Variants in R3HDM1 observed in about 807,000 individuals in gnomAD.
R3HDM1 encodes the protein R3H domain-containing protein 1.
In R3HDM1, 46 loss-of-function variants were observed where a neutral mutation model predicts 141.1. The observed-to-expected ratio is 0.33, with a 90% CI of 0.26 to 0.42. R3HDM1 has a LOEUF of 0.42. R3HDM1 is among the 10% of genes least tolerant of loss of function. R3HDM1 has a pLI of 1.00. For missense variants in R3HDM1, 1,184 were observed against 1,368.3 expected (o/e 0.87, Z 2.12); for synonymous variants, 435 against 472.9 (o/e 0.92, Z 1.04).
chr2:135,556,750 C>A lies in R3HDM1; in HGVS notation c.-250+25117C>A, dbSNP rs191409032. 4.9e-3 allele frequency among the ~76,000 whole-genome samples: 750 copies of A among 152,240 alleles called. 21 individuals carry two copies. Among genetic ancestry groups the A allele is most frequent in the Admixed American group, 0.042 (647 of 15,298 alleles). On this transcript the variant is annotated intron_variant, in intron 1 of 26. Coordinates refer to ENST00000683871, the MANE Select transcript of R3HDM1 (RefSeq NM_001378107.1). Reference sequence around the variant, plus strand: ...AGCCAGGATGGTCTCAATCTCCTGACCTCTTGATCTGCCCGCCTCGGCCTC... The same window carrying A: ...AGCCAGGATGGTCTCAATCTCCTGAACTCTTGATCTGCCCGCCTCGGCCTC...
chr2:135,587,088 C>G, intron 1 of R3HDM1: 2 of 698,544 alleles, frequency 2.9e-6, no homozygotes, highest in Non-Finnish European at 3.5e-6. Context: ...TTAACATAAT[C>G]AGATATCACA....
chr2:135,622,418 A>AC (rs1553572236), intron 6 of R3HDM1: 25 of 982,072 alleles, frequency 2.5e-5, no homozygotes, highest in Non-Finnish European at 3.0e-5. Flanking sequence ...TGAGAGGTTA[A>AC]TTTTTTTTTA....
At chr2:135,714,194 C>T (rs1051137402) in intron 23 of R3HDM1, among the ~76,000 whole-genome samples, 47 of 152,122 alleles carry the variant, frequency 3.1e-4, no homozygotes, top group Non-Finnish European at 6.8e-4. Flanking sequence ...ACAAAGCAGT[C>T]GAAGTAAATA....
chr2:135,584,489 C>T lies in R3HDM1; in HGVS notation c.-249-18011C>T, dbSNP rs868538017. Among the ~76,000 whole-genome samples, 4 of 152,310 alleles carry T rather than the reference C, an allele frequency of 2.6e-5. No homozygotes were observed. In the South Asian group the frequency reaches 8.3e-4, roughly 32 times the overall value. ...TTTTAACATTTGTAAGGTAGAGACA[C>T]AGCCAACTCATACAATTACCAGTGT... On this transcript the variant is annotated intron_variant, in intron 1 of 26. Coordinates refer to ENST00000683871, the MANE Select transcript of R3HDM1 (RefSeq NM_001378107.1).
In R3HDM1 at chr2:135,550,290, T is replaced by C. The variant is rs940431686; in HGVS notation, c.-250+18657T>C. On this transcript the variant is annotated intron_variant, in intron 1 of 26. Coordinates refer to ENST00000683871, the MANE Select transcript of R3HDM1 (RefSeq NM_001378107.1). ...TAGCATTTAAGTTTTATTTGTGATATATGGAAATTTCTTTATGCCTTTTCT... is the reference window on the plus strand; with the variant it reads ...TAGCATTTAAGTTTTATTTGTGATACATGGAAATTTCTTTATGCCTTTTCT... The C allele has an allele frequency of 1.3e-5, 12 of 928,166 alleles. No homozygotes were observed. In the African/African-American group the frequency reaches 2.1e-4, roughly 17 times the overall value. 57.5% of individuals were successfully genotyped at this position (928,166 alleles called of 1,614,324 possible).
chr2:135,721,220 G>A (rs958444752), intron 24 of R3HDM1, among the ~76,000 whole-genome samples: 3 of 152,196 alleles, frequency 2.0e-5, no homozygotes, highest in Non-Finnish European at 2.9e-5. Context: ...ATGGTGGCTT[G>A]TACCTGTAAT....
rs1213978261 is a variant in R3HDM1 at position 135,675,316 on chromosome 2, C to G, written c.2153-16C>G. 3.1e-6 allele frequency: 5 copies of G among 1,607,190 alleles called. No homozygotes were observed. The highest frequency in any genetic ancestry group is 4.3e-6 in the Non-Finnish European group (5 of 1,175,732). ...AATGAATTCAGAGCAGGATTTAACT[C>G]ATTGTACCATTACAGGTTATCAAGT... is the stretch of plus-strand genomic sequence containing the variant. On this transcript the variant is annotated splice_polypyrimidine_tract_variant and intron_variant, in intron 19 of 26. Transcript: ENST00000683871.
chr2:135,651,269 A>T, intron 17 of R3HDM1: 1 of 985,196 alleles, frequency 1.0e-6, no homozygotes, highest in Non-Finnish European at 1.2e-6. Context: ...GGATACAAAA[A>T]TGCATAGAAT....
intron 1 of R3HDM1, among the ~76,000 whole-genome samples, chr2:135,539,220 TAAG>T (rs1220980512): frequency 1.3e-5 from 2 of 152,150 alleles, no homozygotes; most frequent in Non-Finnish European, 2.9e-5. Context: ...AAAATAATGA[TAAG>T]AAGTGTAGTA....
At chr2:135,668,929 A>G (rs990719479) in intron 19 of R3HDM1, among the ~76,000 whole-genome samples, 3 of 152,186 alleles carry the variant, frequency 2.0e-5, no homozygotes, top group Admixed American at 1.3e-4. Context: ...GCCCAAAGGG[A>G]ACATTGGAGA....
At position 135,636,038 on chromosome 2, in the gene R3HDM1, C is replaced by T. The variant is rs529689977; in HGVS notation, c.807+40C>T. 30 of 1,610,156 alleles carry T rather than the reference C, an allele frequency of 1.9e-5. No homozygotes were observed. In the South Asian group the frequency reaches 3.1e-4, roughly 17 times the overall value. ...TTGTAGGATTTGTATAGGTGCAAGACATACTATACCAGTAGTTCATTTGCC... is the reference window on the plus strand; with the variant it reads ...TTGTAGGATTTGTATAGGTGCAAGATATACTATACCAGTAGTTCATTTGCC... On this transcript the variant is annotated intron_variant, in intron 10 of 26. Coordinates refer to ENST00000683871, the MANE Select transcript of R3HDM1 (RefSeq NM_001378107.1).
intron 1 of R3HDM1, chr2:135,550,310 T>G (rs1699596078): frequency 2.3e-6 from 2 of 851,816 alleles, no homozygotes. Context: ...TCTTTATGCC[T>G]TTTCTTAGGC....
chr2:135,540,413 T>C (rs572533394), intron 1 of R3HDM1, among the ~76,000 whole-genome samples: 10 of 152,286 alleles, frequency 6.6e-5, no homozygotes, highest in African/African-American at 2.4e-4. Flanking sequence ...TATTTTGACC[T>C]CCTCCCATGA....
chr2:135,650,838 T>A, intron 17 of R3HDM1: 6 of 984,736 alleles, frequency 6.1e-6, no homozygotes, highest in Non-Finnish European at 7.2e-6. Flanking sequence ...TCAACTTTGA[T>A]ATGATGACTC....
At chr2:135,622,117 C>T in intron 6 of R3HDM1, 1 of 981,962 alleles carries the variant, frequency 1.0e-6, no homozygotes, top group Non-Finnish European at 1.2e-6. Context: ...TATAAAGATA[C>T]TACATTTAAG....
At chr2:135,602,803 C>T (rs956274045) in intron 2 of R3HDM1, 95 bp downstream of exon 2, 9 of 1,033,924 alleles carry the variant, frequency 8.7e-6, no homozygotes, top group South Asian at 2.3e-5. Flanking sequence ...CTTCACCACC[C>T]TCTCCCTACT....
chr2:135,567,285 T>C (rs1004370577), intron 1 of R3HDM1, among the ~76,000 whole-genome samples: 2 of 152,188 alleles, frequency 1.3e-5, no homozygotes, highest in Non-Finnish European at 2.9e-5. Flanking sequence ...TTGGTACTTA[T>C]TCCTTGGAAT....
intron 24 of R3HDM1, 41 bp from the exon 25 acceptor site, chr2:135,721,883 C>T (rs374515583): frequency 3.9e-5 from 61 of 1,564,586 alleles, no homozygotes; most frequent in Non-Finnish European, 5.2e-5. Flanking sequence ...CCACCGTGCC[C>T]GGCCTCTGGC....
chr2:135,712,189 T>C (rs1317187121), intron 23 of R3HDM1, among the ~76,000 whole-genome samples: 2 of 152,136 alleles, frequency 1.3e-5, no homozygotes, highest in East Asian at 3.9e-4. Flanking sequence ...GTTTTATCTT[T>C]TGTTGAGAAA....
Sources: gnomAD v4.1 joint callset for allele counts (sites outside exome capture counted in the v4.1 genomes callset) on GRCh38, gnomAD v4.1.1 for gene constraint, MANE v1.5 for transcripts, NCBI Gene and HGNC (gene_info 2026-07-23, HGNC 2026-07-21) for gene names.